The following HPGDS variants were observed in gnomAD, a reference collection of about 807,000 sequenced individuals.
The protein encoded by HPGDS is GST class-sigma.
A neutral mutation model predicts 23.1 loss-of-function variants in HPGDS; 26 were observed. The observed-to-expected ratio is 1.13, with a 90% CI of 0.83 to 1.56. The LOEUF (loss-of-function observed/expected upper bound fraction) is 1.56, where lower values mean the gene tolerates loss of function less well. Among genes scored for constraint, HPGDS ranks in the 40% most tolerant of loss-of-function variants. The pLI is 0.00. For synonymous variants in HPGDS, 95 were observed against 77.9 expected (o/e 1.22, Z -1.16); for missense variants, 268 against 236.4 (o/e 1.13, Z -0.88).
At chr4:94,318,681 G>A (rs1460962334) in intron 2 of HPGDS, among the ~76,000 whole-genome samples, 1 of 152,048 alleles carries the variant, frequency 6.6e-6, no homozygotes. Context: ...CCTGTGTGCT[G>A]CTAAGAAGAA....
chr4:94,327,160 G>A (rs1209199975), intron 2 of HPGDS, among the ~76,000 whole-genome samples: 5 of 151,988 alleles, frequency 3.3e-5, no homozygotes, highest in Admixed American at 3.3e-4. Flanking sequence ...AGCAGTGCTG[G>A]GTAAGGCAGA....
At chr4:94,327,314 G>A (rs1409600972) in intron 2 of HPGDS, among the ~76,000 whole-genome samples, 1 of 152,132 alleles carries the variant, frequency 6.6e-6, no homozygotes, top group Non-Finnish European at 1.5e-5. Context: ...ATGCATTCAG[G>A]AATTGGCAGC....
chr4:94,321,933 ATCCC>A (rs201067444), intron 2 of HPGDS, among the ~76,000 whole-genome samples: 3,195 of 152,160 alleles, frequency 0.021, 78 homozygotes, highest in Admixed American at 0.069. Context: ...TTTGAGATAC[ATCCC>A]ATCAATACCT....
intron 1 of HPGDS, 52 bp from the exon 2 acceptor site, chr4:94,334,690 C>A (rs1720949369): frequency 2.0e-6 from 3 of 1,486,088 alleles, no homozygotes; most frequent in Non-Finnish European, 2.7e-6. Flanking sequence ...AGAGATGCCT[C>A]AATATTTTTC....
chr4:94,317,204 C>A (rs1290735381), intron 3 of HPGDS, among the ~76,000 whole-genome samples: 1 of 151,948 alleles, frequency 6.6e-6, no homozygotes, highest in Non-Finnish European at 1.5e-5. Flanking sequence ...AAGAAACGAG[C>A]TTTAAAAGAA....
intron 3 of HPGDS, among the ~76,000 whole-genome samples, chr4:94,316,049 A>G (rs762485821): frequency 2.0e-5 from 3 of 152,274 alleles, no homozygotes; most frequent in Non-Finnish European, 4.4e-5. Context: ...TTACCCAACA[A>G]ATAATTACGG....
At chr4:94,323,876 C>T (rs1369212783) in intron 2 of HPGDS, among the ~76,000 whole-genome samples, 1 of 152,176 alleles carries the variant, frequency 6.6e-6, no homozygotes, top group African/African-American at 2.4e-5. Flanking sequence ...TACAATTTGG[C>T]ATGTTTTTGC....
chr4:94,320,718 T>C (rs1756488601), intron 2 of HPGDS, among the ~76,000 whole-genome samples: 1 of 152,236 alleles, frequency 6.6e-6, no homozygotes, highest in Non-Finnish European at 1.5e-5. Flanking sequence ...AGGTTGCCTG[T>C]TCACTCTAAT....
intron 3 of HPGDS, among the ~76,000 whole-genome samples, chr4:94,313,277 G>T (rs959280137): frequency 6.6e-6 from 1 of 152,174 alleles, no homozygotes; most frequent in Non-Finnish European, 1.5e-5. Flanking sequence ...GGCTGGTACT[G>T]GTTGTTCCAT....
In HPGDS at chr4:94,340,311, C is replaced by CTTTCTTTTTCTTTTCTTTTTT; in HGVS notation, c.-10+2483_-10+2484insAAAAAAGAAAAGAAAAAGAAA. ...TTTCTTTCTTTCTTTCTTTCTTTCT[C>CTTTCTTTTTCTTTTCTTTTTT]TTTTTTTTTTTTTTTTTTTTTTTTT... On this transcript the variant is annotated intron_variant, in intron 1 of 5. Transcript: ENST00000295256. 5.9e-4 allele frequency among the ~76,000 whole-genome samples: 14 copies of CTTTCTTTTTCTTTTCTTTTTT among 23,676 alleles called. 3 individuals carry two copies. Among genetic ancestry groups the CTTTCTTTTTCTTTTCTTTTTT allele is most frequent in the Non-Finnish European group, 9.6e-4 (11 of 11,508 alleles). The allele number at this position is 23,676 out of a possible 152,430, so 15.5% of individuals were successfully genotyped here. A position where few individuals can be genotyped will look rare whatever the true frequency, so the allele number is the denominator to read the frequency against.
At chr4:94,336,386 G>A (rs78038768) in intron 1 of HPGDS, among the ~76,000 whole-genome samples, 2,972 of 152,150 alleles carry the variant, frequency 0.02, 100 homozygotes, top group African/African-American at 0.068. Context: ...GGAAGTGACG[G>A]TGATGGTAAT....
intron 3 of HPGDS, among the ~76,000 whole-genome samples, chr4:94,309,895 T>G (rs551985497): frequency 6.6e-6 from 1 of 152,322 alleles, no homozygotes; most frequent in Non-Finnish European, 1.5e-5. Context: ...GACGAGCATT[T>G]TTTCATGTGT....
chr4:94,336,743 G>T (rs907244796), intron 1 of HPGDS, among the ~76,000 whole-genome samples: 1 of 152,136 alleles, frequency 6.6e-6, no homozygotes, highest in African/African-American at 2.4e-5. Context: ...ACTTAGAAAT[G>T]TTGAGCTTAG....
At chr4:94,301,409 G>T (rs1756038261) in intron 5 of HPGDS, among the ~76,000 whole-genome samples, 1 of 152,122 alleles carries the variant, frequency 6.6e-6, no homozygotes, top group Non-Finnish European at 1.5e-5. Context: ...AGTGGTGATA[G>T]TTTATTTCAG....
intron 3 of HPGDS, among the ~76,000 whole-genome samples, chr4:94,310,847 T>A (rs2126037451): frequency 6.6e-6 from 1 of 152,340 alleles, no homozygotes; most frequent in African/African-American, 2.4e-5. Flanking sequence ...AAAGAGGTCC[T>A]TCACATCCCT....
intron 2 of HPGDS, among the ~76,000 whole-genome samples, chr4:94,329,898 A>T (rs28650373): frequency 0.15 from 22,374 of 152,266 alleles, 1,888 homozygotes; most frequent in Non-Finnish European, 0.19. Flanking sequence ...GTTACACTGA[A>T]TATGAGGCCT....
intron 3 of HPGDS, among the ~76,000 whole-genome samples, chr4:94,314,463 G>T (rs1756351062): frequency 6.6e-6 from 1 of 152,192 alleles, no homozygotes; most frequent in African/African-American, 2.4e-5. Flanking sequence ...AAATATTGGT[G>T]AACCGCAAAT....
chr4:94,341,462 T>C (rs889297470), intron 1 of HPGDS, among the ~76,000 whole-genome samples: 3 of 152,198 alleles, frequency 2.0e-5, no homozygotes, highest in Non-Finnish European at 4.4e-5. Flanking sequence ...AATAAAGACT[T>C]CAGCCGAAAT....
chr4:94,326,104 C>T (rs77678276), intron 2 of HPGDS, among the ~76,000 whole-genome samples: 3,755 of 151,798 alleles, frequency 0.025, 106 homozygotes, highest in African/African-American at 0.075. Flanking sequence ...ACTTTTCTGT[C>T]ACTATTTTTG....
Sources: gnomAD v4.1 joint callset for allele counts (sites outside exome capture counted in the v4.1 genomes callset) on GRCh38, gnomAD v4.1.1 for gene constraint, MANE v1.5 for transcripts, NCBI Gene and HGNC (gene_info 2026-07-23, HGNC 2026-07-21) for gene names.